Variants in NELL1 observed in about 807,000 individuals in gnomAD.
NELL1 encodes protein kinase C-binding protein NELL1.
Under a neutral mutation model 107.4 loss-of-function variants are expected in NELL1, and 76 were observed. That is an observed-to-expected ratio of 0.71 (90% CI 0.59 to 0.86). The LOEUF (loss-of-function observed/expected upper bound fraction) is 0.86. Ranked by LOEUF, NELL1 falls within the 40% of genes least tolerant of loss-of-function variation. The probability of loss-of-function intolerance (pLI) is 0.00; values close to 1 mark genes in which losing one functional copy is unlikely to be tolerated. For missense variants in NELL1, 1,024 were observed against 1,005.5 expected (o/e 1.02, Z -0.25); for synonymous variants, 353 against 341.2 (o/e 1.03, Z -0.38).
At chr11:21,188,183 AT>A in intron 13 of NELL1, among the ~76,000 whole-genome samples, 1 of 151,784 alleles carries the variant, frequency 6.6e-6, no homozygotes, top group Admixed American at 6.5e-5. Context: ...AAATGAATAC[AT>A]TTTTTGCTTC....
intron 15 of NELL1, among the ~76,000 whole-genome samples, chr11:21,485,371 T>A (rs73469150): frequency 0.025 from 3,874 of 152,172 alleles, 177 homozygotes; most frequent in African/African-American, 0.086. Flanking sequence ...CATAGCTGTC[T>A]GCCTATTCTC....
intron 15 of NELL1, among the ~76,000 whole-genome samples, chr11:21,453,934 ATACTTTACTT>A (rs71443788): frequency 1.3e-4 from 20 of 148,720 alleles, no homozygotes; most frequent in Admixed American, 2.0e-4. Context: ...TTTTATTATT[ATACTTTACTT>A]TACTTTAAGT....
At chr11:20,723,848 C>T (rs1034282986) in intron 2 of NELL1, among the ~76,000 whole-genome samples, 4 of 152,188 alleles carry the variant, frequency 2.6e-5, no homozygotes, top group Admixed American at 2.0e-4. Context: ...TCCATATATC[C>T]TCTGAAATCT....
intron 13 of NELL1, among the ~76,000 whole-genome samples, chr11:21,121,449 T>C (rs768312797): frequency 1.3e-5 from 2 of 152,136 alleles, no homozygotes; most frequent in Non-Finnish European, 1.5e-5. Flanking sequence ...AACTGTGACA[T>C]TGCTGCTGCA....
chr11:21,138,986 C>A (rs1855804927), intron 13 of NELL1, among the ~76,000 whole-genome samples: 1 of 152,108 alleles, frequency 6.6e-6, no homozygotes, highest in South Asian at 2.1e-4. Flanking sequence ...CATGCAATGT[C>A]CTCATTGGAG....
At chr11:20,815,567 T>C (rs1857607141) in intron 3 of NELL1, among the ~76,000 whole-genome samples, 1 of 152,218 alleles carries the variant, frequency 6.6e-6, no homozygotes. Flanking sequence ...CATTGTTAGA[T>C]ACATAGTTTG....
intron 15 of NELL1, among the ~76,000 whole-genome samples, chr11:21,420,395 A>G (rs886570561): frequency 2.6e-5 from 4 of 152,162 alleles, no homozygotes; most frequent in Non-Finnish European, 5.9e-5. Flanking sequence ...AATGATGTAA[A>G]TGTACAAATA....
chr11:21,072,563 T>A (rs1376917644), intron 12 of NELL1, among the ~76,000 whole-genome samples: 3 of 152,180 alleles, frequency 2.0e-5, no homozygotes, highest in Non-Finnish European at 4.4e-5. Flanking sequence ...ACAGTAACAA[T>A]TCTTTATAGG....
At chr11:20,699,707 C>T (rs1854722387) in intron 2 of NELL1, among the ~76,000 whole-genome samples, 1 of 152,202 alleles carries the variant, frequency 6.6e-6, no homozygotes, top group African/African-American at 2.4e-5. Flanking sequence ...AGGCTGGCTC[C>T]ATATTTTTGC....
chr11:21,074,304 A>G (rs974597594), intron 12 of NELL1, among the ~76,000 whole-genome samples: 10 of 152,192 alleles, frequency 6.6e-5, no homozygotes. Context: ...GAATTCTCAG[A>G]TGGACAGCCT....
chr11:20,874,381 A>G (rs796650912), intron 4 of NELL1, among the ~76,000 whole-genome samples: 39 of 152,292 alleles, frequency 2.6e-4, no homozygotes, highest in African/African-American at 9.1e-4. Flanking sequence ...ACTTTTTAAT[A>G]GCAGAATTAA....
intron 14 of NELL1, among the ~76,000 whole-genome samples, chr11:21,234,623 T>C (rs1187550006): frequency 6.6e-6 from 1 of 152,188 alleles, no homozygotes; most frequent in Non-Finnish European, 1.5e-5. Flanking sequence ...ATTTTAAGGC[T>C]CTCCAGAATC....
intron 4 of NELL1, among the ~76,000 whole-genome samples, chr11:20,875,468 C>T (rs756574603): frequency 6.6e-6 from 1 of 152,166 alleles, no homozygotes; most frequent in Non-Finnish European, 1.5e-5. Flanking sequence ...ACTTGGGAGG[C>T]TGAGGTGGGA....
chr11:21,021,241 A>G (rs940505008), intron 12 of NELL1, among the ~76,000 whole-genome samples: 1 of 148,506 alleles, frequency 6.7e-6, no homozygotes, highest in African/African-American at 2.5e-5. Context: ...CATACTCTGA[A>G]TGCAACAATG....
At chr11:21,372,573 T>A (rs571114598) in intron 15 of NELL1, among the ~76,000 whole-genome samples, 1 of 152,126 alleles carries the variant, frequency 6.6e-6, no homozygotes, top group Non-Finnish European at 1.5e-5. Flanking sequence ...AACACAGTTG[T>A]ATCTCACAAA....
rs147081399 is a variant in NELL1 at position 21,321,711 on chromosome 11, A to G, written c.1550-49142A>G. Among the ~76,000 whole-genome samples the G allele has an allele frequency of 5.3e-4, 80 of 152,310 alleles. 1 individual carries two copies. Among genetic ancestry groups the G allele is most frequent in the African/African-American group, 1.9e-3 (77 of 41,570 alleles). On this transcript the variant is annotated intron_variant, in intron 14 of 19. Coordinates refer to ENST00000357134, the MANE Select transcript of NELL1 (RefSeq NM_006157.5). ...GCTGGAGATGTGAAATCACTTGTCC[A>G]GGCCACACAGCTGATAAGTGGCAGA...
intron 2 of NELL1, among the ~76,000 whole-genome samples, chr11:20,726,357 G>T (rs1192735567): frequency 1.3e-5 from 2 of 152,046 alleles, no homozygotes; most frequent in Non-Finnish European, 2.9e-5. Context: ...TTTACAACTT[G>T]CTGGGTTTAT....
intron 2 of NELL1, among the ~76,000 whole-genome samples, chr11:20,777,112 AAC>A (rs1856765710): frequency 6.6e-6 from 1 of 152,234 alleles, no homozygotes; most frequent in Admixed American, 6.5e-5. Context: ...TAGCAGGTGT[AAC>A]ACAGTTAAGA....
chr11:21,492,314 A>C (rs1182625982), intron 15 of NELL1, among the ~76,000 whole-genome samples: 1 of 152,076 alleles, frequency 6.6e-6, no homozygotes, highest in Non-Finnish European at 1.5e-5. Flanking sequence ...AAACTAGTTC[A>C]ACCATTGTGG....
Sources: gnomAD v4.1 joint callset for allele counts (sites outside exome capture counted in the v4.1 genomes callset) on GRCh38, gnomAD v4.1.1 for gene constraint, MANE v1.5 for transcripts, NCBI Gene and HGNC (gene_info 2026-07-23, HGNC 2026-07-21) for gene names.